The following CA10 variants were observed in gnomAD, a reference collection of about 807,000 sequenced individuals.
The protein encoded by CA10 is carbonic anhydrase-related protein 10.
CA10 carries 14 observed loss-of-function variants against 44.2 expected under a neutral mutation model. The ratio of observed to expected loss-of-function variants is 0.32; its 90% CI spans 0.21 to 0.50. The LOEUF is 0.50. Ranked by LOEUF, CA10 falls within the 20% of genes least tolerant of loss-of-function variation. The pLI, the probability that CA10 is intolerant of heterozygous loss-of-function variation, is 0.99. For synonymous variants in CA10, 159 were observed against 141.6 expected, an observed-to-expected ratio of 1.12 and a Z score of -0.87; for missense variants, 350 against 409.7, an observed-to-expected ratio of 0.85 and a Z score of 1.26.
chr17:51,635,355 G>A (rs1242902818), intron 7 of CA10, among the ~76,000 whole-genome samples: 1 of 151,880 alleles, frequency 6.6e-6, no homozygotes, highest in Admixed American at 6.6e-5. Context: ...TCTACTAAAA[G>A]TATAAAAATT....
rs561644099 is a variant in CA10, at chr17:51,709,763, G to A, written c.465+37870C>T. ...TGGAGGTAAGAAACAAATTTGGGGAGGGAGTCAGGGATTATATTCGCTTAG... is the reference window on the plus strand; with the variant it reads ...TGGAGGTAAGAAACAAATTTGGGGAAGGAGTCAGGGATTATATTCGCTTAG... On this transcript the variant is annotated intron_variant, in intron 4 of 8. Coordinates refer to ENST00000451037, the MANE Select transcript of CA10 (RefSeq NM_020178.5). Among the ~76,000 whole-genome samples, 6 of 152,290 alleles carry A rather than the reference G, an allele frequency of 3.9e-5. No homozygotes were observed. In the East Asian group the frequency reaches 9.6e-4, roughly 24 times the overall value.
chr17:52,022,011 AT>A (rs1986156991), intron 2 of CA10, among the ~76,000 whole-genome samples: 1 of 152,078 alleles, frequency 6.6e-6, no homozygotes, highest in South Asian at 2.1e-4. Context: ...TACTGAAACT[AT>A]TCTAGAAAAT....
chr17:51,863,173 A>T (rs1193802348), intron 3 of CA10, among the ~76,000 whole-genome samples: 1 of 152,218 alleles, frequency 6.6e-6, no homozygotes, highest in Non-Finnish European at 1.5e-5. Flanking sequence ...CATGTTTCAC[A>T]TAAAAAATAG....
At chr17:52,069,749 A>C (rs1488224328) in intron 2 of CA10, among the ~76,000 whole-genome samples, 2 of 152,292 alleles carry the variant, frequency 1.3e-5, no homozygotes, top group East Asian at 3.9e-4. Context: ...CCTTGTACTC[A>C]CCATTGTTAT....
chr17:51,737,794 T>C (rs1465362461), intron 4 of CA10, among the ~76,000 whole-genome samples: 1 of 152,136 alleles, frequency 6.6e-6, no homozygotes, highest in Admixed American at 6.6e-5. Flanking sequence ...AAGCCAACCA[T>C]TGCTCTTGGA....
At chr17:52,024,645 T>C (rs1986244699) in intron 2 of CA10, among the ~76,000 whole-genome samples, 1 of 152,114 alleles carries the variant, frequency 6.6e-6, no homozygotes, top group African/African-American at 2.4e-5. Context: ...CCTCACAGGC[T>C]ACTTCCTCAT....
intron 3 of CA10, among the ~76,000 whole-genome samples, chr17:51,801,491 T>G (rs1428750450): frequency 6.7e-6 from 1 of 150,228 alleles, no homozygotes; most frequent in Non-Finnish European, 1.5e-5. Context: ...GGAAAAAAAT[T>G]AAAAAAAAAC....
chr17:51,846,614 C>T (rs994259561), intron 3 of CA10, among the ~76,000 whole-genome samples: 1 of 152,218 alleles, frequency 6.6e-6, no homozygotes, highest in Non-Finnish European at 1.5e-5. Context: ...GGCCATGCCC[C>T]TCCATATTAA....
chr17:51,851,619 A>C (rs1381061857), intron 3 of CA10, among the ~76,000 whole-genome samples: 1 of 152,230 alleles, frequency 6.6e-6, no homozygotes, highest in Non-Finnish European at 1.5e-5. Context: ...AACTTATTTT[A>C]GGGTCTTTTC....
In CA10 at chr17:52,158,334, G is replaced by C. The variant is rs1169634989; in HGVS notation, c.-548C>G. The C allele has an allele frequency of 5.2e-6, 1 of 192,938 alleles. No homozygotes were observed. Among genetic ancestry groups the C allele is most frequent in the Non-Finnish European group, 1.1e-5 (1 of 93,288 alleles). The allele number at this position is 192,938 out of a possible 1,614,324, so 12.0% of individuals were successfully genotyped here. On this transcript the variant is annotated 5_prime_UTR_variant, in exon 1 of 9. Transcript: ENST00000451037. ...CCGCCCCCCTCACCGGGGCATGGTC[G>C]GAGGGTGGCTGCTGCGCTCCGGGGC...
intron 3 of CA10, among the ~76,000 whole-genome samples, chr17:51,868,891 GT>G (rs75281671): frequency 0.095 from 13,284 of 139,264 alleles, 794 homozygotes; most frequent in African/African-American, 0.19. Context: ...AAGTTTTTTT[GT>G]TTTTTTTTTT....
chr17:52,112,555 T>A (rs937924000), intron 1 of CA10, among the ~76,000 whole-genome samples: 3 of 152,242 alleles, frequency 2.0e-5, no homozygotes, highest in Non-Finnish European at 4.4e-5. Flanking sequence ...AACTCCTTGA[T>A]ATTAAATACT....
intron 3 of CA10, among the ~76,000 whole-genome samples, chr17:51,831,672 G>GCAGCAGCAGCAGCAGCAT (rs1908251336): frequency 4.8e-5 from 2 of 41,578 alleles, no homozygotes; most frequent in African/African-American, 1.8e-4. Context: ...AGAAAAAGCA[G>GCAGCAGCAGCAGCAGCAT]CAGCAGCAGC....
chr17:51,992,328 CATT>C (rs1211041391), intron 2 of CA10, among the ~76,000 whole-genome samples: 2 of 152,120 alleles, frequency 1.3e-5, no homozygotes, highest in Admixed American at 6.6e-5. Context: ...TCATCACCAT[CATT>C]GTTATCCTCA....
chr17:51,994,617 A>G (rs1434617526), intron 2 of CA10, among the ~76,000 whole-genome samples: 2 of 133,768 alleles, frequency 1.5e-5, no homozygotes, highest in East Asian at 2.3e-4. Context: ...CATCAATGCT[A>G]CAGAGATCTG....
At chr17:51,738,023 A>G (rs930133490) in intron 4 of CA10, among the ~76,000 whole-genome samples, 2 of 152,224 alleles carry the variant, frequency 1.3e-5, no homozygotes, top group Non-Finnish European at 2.9e-5. Context: ...AGCATGGCAC[A>G]GGCAACTAAG....
chr17:52,081,557 T>G (rs1190141811), intron 1 of CA10, among the ~76,000 whole-genome samples: 1 of 151,966 alleles, frequency 6.6e-6, no homozygotes, highest in Non-Finnish European at 1.5e-5. Flanking sequence ...TCCCAGCACT[T>G]TGGGAGGCCG....
At position 52,097,938 on chromosome 17, in the gene CA10, GTCCTCTTGTGTATCTT is replaced by G. The variant is rs553191893; in HGVS notation, c.62-25561_62-25546del. On this transcript the variant is annotated intron_variant, in intron 1 of 8. Coordinates refer to ENST00000451037, the MANE Select transcript of CA10 (RefSeq NM_020178.5). ...CCTGCAATAAGTATCCACTGTCATA[GTCCTCTTGTGTATCTT>G]TCCCCCGTCACCTGGCCACTCTTCC... 1.3e-4 allele frequency among the ~76,000 whole-genome samples: 20 copies of G among 152,232 alleles called. No individual in the cohort carries two copies. The East Asian group carries it at 3.9e-3, about 29-fold the overall frequency.
intron 2 of CA10, among the ~76,000 whole-genome samples, chr17:51,984,588 A>G (rs578049209): frequency 6.6e-6 from 1 of 151,836 alleles, no homozygotes; most frequent in African/African-American, 2.4e-5. Flanking sequence ...TCTTTGAAAA[A>G]ATAAATAAAA....
Sources: allele counts gnomAD v4.1 joint callset (sites outside exome capture counted in the v4.1 genomes callset), GRCh38; gene constraint gnomAD v4.1.1; transcripts MANE v1.5; gene names NCBI Gene and HGNC (gene_info 2026-07-23, HGNC 2026-07-21).